DCC: variants seen among roughly 807,000 people sequenced by gnomAD.
DCC encodes DCC netrin 1 receptor.
A neutral mutation model predicts 172.5 loss-of-function variants in DCC; 58 were observed. The ratio of observed to expected loss-of-function variants is 0.34; its 90% CI spans 0.27 to 0.42. The LOEUF (loss-of-function observed/expected upper bound fraction) is 0.42. Ranked by LOEUF, DCC falls within the 10% of genes least tolerant of loss-of-function variation. The pLI is 1.00. For synonymous variants in DCC, 709 were observed against 644.5 expected, an observed-to-expected ratio of 1.10 and a Z score of -1.52; for missense variants, 1,740 against 1,791.0, an observed-to-expected ratio of 0.97 and a Z score of 0.51.
At chr18:53,442,836 G>T (rs922918403) in intron 22 of DCC, among the ~76,000 whole-genome samples, 1 of 152,156 alleles carries the variant, frequency 6.6e-6, no homozygotes, top group Non-Finnish European at 1.5e-5. Context: ...TTGTGGTCTG[G>T]ATAAAAGATA....
At chr18:53,449,585 G>T (rs1358117850) in intron 22 of DCC, among the ~76,000 whole-genome samples, 4 of 152,116 alleles carry the variant, frequency 2.6e-5, no homozygotes, top group Non-Finnish European at 5.9e-5. Context: ...GTGAGTGATT[G>T]GTATCAAGCA....
chr18:53,491,348 TACAATC>T (rs1397920410), intron 26 of DCC, among the ~76,000 whole-genome samples: 1 of 152,206 alleles, frequency 6.6e-6, no homozygotes, highest in Non-Finnish European at 1.5e-5. Context: ...CTATTAAACT[TACAATC>T]ACAATAATGT....
At chr18:53,298,458 G>T (rs1044833911) in intron 12 of DCC, among the ~76,000 whole-genome samples, 3 of 146,424 alleles carry the variant, frequency 2.0e-5, no homozygotes, top group Non-Finnish European at 4.5e-5. Flanking sequence ...AACCTGAGAG[G>T]TGTAGGCTGC....
intron 24 of DCC, among the ~76,000 whole-genome samples, chr18:53,466,391 A>C (rs2045621470): frequency 1.3e-5 from 2 of 152,182 alleles, no homozygotes; most frequent in Admixed American, 1.3e-4. Context: ...GGCTTTTCAC[A>C]AAGACTTTGT....
chr18:53,312,825 AG>A (rs2057291460), intron 13 of DCC, among the ~76,000 whole-genome samples: 1 of 146,456 alleles, frequency 6.8e-6, no homozygotes, highest in African/African-American at 2.5e-5. Context: ...AAAAAAAAAA[AG>A]CTTTTAATTA....
At chr18:52,977,884 CAA>C (rs1348740664) in intron 5 of DCC, among the ~76,000 whole-genome samples, 1 of 100,094 alleles carries the variant, frequency 1.0e-5, no homozygotes. Flanking sequence ...GACTCCATCT[CAA>C]AAAAAAAAAG....
intron 23 of DCC, among the ~76,000 whole-genome samples, chr18:53,452,976 T>C (rs932405023): frequency 3.9e-5 from 6 of 152,032 alleles, no homozygotes; most frequent in African/African-American, 1.4e-4. Context: ...AGTGCAGTGG[T>C]GCAATCTCAG....
intron 5 of DCC, among the ~76,000 whole-genome samples, chr18:52,953,456 A>G (rs2040691532): frequency 2.0e-5 from 3 of 152,130 alleles, no homozygotes; most frequent in Admixed American, 2.0e-4. Flanking sequence ...GCTGAGTTCA[A>G]CCTGTATCTG....
intron 2 of DCC, among the ~76,000 whole-genome samples, chr18:52,887,900 T>C (rs1438969663): frequency 6.6e-6 from 1 of 152,126 alleles, no homozygotes; most frequent in East Asian, 1.9e-4. Context: ...TTTCTTATGG[T>C]TTTCACTGAA....
intron 3 of DCC, among the ~76,000 whole-genome samples, chr18:52,911,241 A>G (rs1280392655): frequency 6.6e-6 from 1 of 152,100 alleles, no homozygotes; most frequent in African/African-American, 2.4e-5. Context: ...TATGACTAAC[A>G]TAAGGCAGAG....
rs776595055 is a variant in DCC, at chr18:53,450,520, C to A, written c.3250C>A (p.His1084Asn). The change falls in exon 23 of 29, where the codon CAC becomes AAC. Residue 1084 changes from histidine to asparagine, a missense_variant. Physicochemically the swap from His to Asn is moderately conservative, Grantham distance 68 (BLOSUM62 1). Transcript: ENST00000442544. ...TLNEPPIGQMHPPHGSVTPQK... is the reference protein window; with the variant it reads ...TLNEPPIGQMNPPHGSVTPQK... ...CCCAGAGCCGCCAATTGGACAAATG[C>A]ACCCCCCGCATGGCAGTGTCACTCC... 1.2e-6 allele frequency: 2 copies of A among 1,614,012 alleles called. No homozygotes were observed. Among genetic ancestry groups the A allele is most frequent in the South Asian group, 2.2e-5 (2 of 91,078 alleles).
chr18:52,894,707 G>A (rs1045757059), intron 2 of DCC, among the ~76,000 whole-genome samples: 1 of 151,880 alleles, frequency 6.6e-6, no homozygotes, highest in African/African-American at 2.4e-5. Flanking sequence ...GAAAGTTCCA[G>A]TTCAAGTCTC....
intron 1 of DCC, among the ~76,000 whole-genome samples, chr18:52,405,195 G>A (rs976980761): frequency 6.3e-4 from 95 of 150,180 alleles, no homozygotes; most frequent in African/African-American, 2.3e-3. Context: ...GGATGGCTGG[G>A]TCAAATGGTA....
At chr18:52,659,299 C>G (rs1202637713) in intron 1 of DCC, among the ~76,000 whole-genome samples, 2 of 152,148 alleles carry the variant, frequency 1.3e-5, no homozygotes, top group African/African-American at 4.8e-5. Context: ...TACCATGACA[C>G]TATCCTCCAG....
At chr18:52,721,273 T>A (rs142483719) in intron 1 of DCC, among the ~76,000 whole-genome samples, 28 of 152,322 alleles carry the variant, frequency 1.8e-4, no homozygotes, top group African/African-American at 6.5e-4. Context: ...ATACTTGCAA[T>A]CTTTGTGATT....
intron 17 of DCC, among the ~76,000 whole-genome samples, chr18:53,395,025 CT>C (rs897510568): frequency 6.6e-6 from 1 of 151,880 alleles, no homozygotes; most frequent in African/African-American, 2.4e-5. Flanking sequence ...GGCGGGGCGC[CT>C]GTAATCCCAG....
chr18:52,395,070 C>G (rs560819513), intron 1 of DCC, among the ~76,000 whole-genome samples: 10 of 151,964 alleles, frequency 6.6e-5, no homozygotes, highest in Non-Finnish European at 1.2e-4. Flanking sequence ...ACTGTACAAG[C>G]CAAAGCTACT....
intron 21 of DCC, among the ~76,000 whole-genome samples, chr18:53,424,955 G>A (rs1033212700): frequency 3.3e-5 from 5 of 151,964 alleles, no homozygotes; most frequent in African/African-American, 9.7e-5. Context: ...CTTGTATCCC[G>A]AGCCCTGGAA....
chr18:53,162,264 A>C (rs2054853396), intron 8 of DCC, among the ~76,000 whole-genome samples: 1 of 145,502 alleles, frequency 6.9e-6, no homozygotes, highest in Non-Finnish European at 1.5e-5. Flanking sequence ...GTGCTACTGC[A>C]CCCCAGCTTG....
Sources: gnomAD v4.1 joint callset for allele counts (sites outside exome capture counted in the v4.1 genomes callset) on GRCh38, gnomAD v4.1.1 for gene constraint, MANE v1.5 for transcripts, NCBI Gene and HGNC (gene_info 2026-07-23, HGNC 2026-07-21) for gene names.